Variants in SYT9 observed in about 807,000 individuals in gnomAD.
The protein encoded by SYT9 is synaptotagmin-9.
SYT9 carries 22 observed loss-of-function variants against 48.4 expected under a neutral mutation model. That is an observed-to-expected ratio of 0.45 (90% CI 0.32 to 0.65). SYT9 has a LOEUF of 0.65. Among genes scored for constraint, SYT9 ranks in the 30% least tolerant of loss-of-function variants. The pLI is 0.03. For synonymous variants in SYT9, 265 were observed against 245.0 expected (o/e 1.08, Z -0.76); for missense variants, 577 against 622.0 (o/e 0.93, Z 0.77).
intron 6 of SYT9, among the ~76,000 whole-genome samples, chr11:7,442,766 C>CTT (rs1847850929): frequency 6.6e-6 from 1 of 152,172 alleles, no homozygotes; most frequent in South Asian, 2.1e-4. Flanking sequence ...GCCATCAGCT[C>CTT]TGCTGCCCTT....
chr11:7,416,680 T>C (rs1364066632), intron 4 of SYT9, among the ~76,000 whole-genome samples: 1 of 152,330 alleles, frequency 6.6e-6, no homozygotes, highest in South Asian at 2.1e-4. Context: ...AGAATGTGCG[T>C]AGGTTATATG....
intron 3 of SYT9, among the ~76,000 whole-genome samples, chr11:7,400,106 G>A (rs561834445): frequency 6.6e-6 from 1 of 152,338 alleles, no homozygotes; most frequent in South Asian, 2.1e-4. Context: ...TCAGTGAAGA[G>A]TAAATATAAA....
upstream of SYT9, among the ~76,000 whole-genome samples, chr11:7,251,553 A>T (rs1026487046): frequency 1.3e-5 from 2 of 151,946 alleles, no homozygotes; most frequent in Non-Finnish European, 2.9e-5. Flanking sequence ...CGAAGCAGGG[A>T]CTCGGTTCTG....
At chr11:7,254,651 G>T (rs10839749) in intron 1 of SYT9, among the ~76,000 whole-genome samples, 79,677 of 151,944 alleles carry the variant, frequency 0.52, 21,075 homozygotes, top group Admixed American at 0.56. Context: ...GAGTCATCTC[G>T]GTAAATGGAT....
At chr11:7,293,547 G>A (rs1284757449) in intron 1 of SYT9, among the ~76,000 whole-genome samples, 1 of 152,194 alleles carries the variant, frequency 6.6e-6, no homozygotes, top group Non-Finnish European at 1.5e-5. Context: ...AGTACTCACT[G>A]ACTTATGGTC....
At chr11:7,422,859 C>T (rs777235061) in intron 6 of SYT9, among the ~76,000 whole-genome samples, 1 of 152,110 alleles carries the variant, frequency 6.6e-6, no homozygotes, top group Non-Finnish European at 1.5e-5. Flanking sequence ...GCCTTGGAGG[C>T]CTTTTCCTTC....
At chr11:7,240,555 T>C (rs1317761513) in intron 1 of SYT9, among the ~76,000 whole-genome samples, 1 of 152,212 alleles carries the variant, frequency 6.6e-6, no homozygotes, top group Non-Finnish European at 1.5e-5. Flanking sequence ...TCTTCTAGCA[T>C]TCCTAAAATT....
At chr11:7,279,369 C>A (rs1241058624) in intron 1 of SYT9, among the ~76,000 whole-genome samples, 3 of 151,790 alleles carry the variant, frequency 2.0e-5, no homozygotes, top group Non-Finnish European at 4.4e-5. Context: ...CCGTTGAGAA[C>A]AAAAAAACTG....
At chr11:7,319,345 G>A (rs1849299822) in intron 3 of SYT9, among the ~76,000 whole-genome samples, 2 of 151,700 alleles carry the variant, frequency 1.3e-5, no homozygotes, top group African/African-American at 4.8e-5. Flanking sequence ...GATTGTCTGG[G>A]AATAACAATT....
chr11:7,250,489 C>T (rs1379030466), upstream of SYT9, among the ~76,000 whole-genome samples: 1 of 136,604 alleles, frequency 7.3e-6, no homozygotes. Context: ...GTGTCACCTT[C>T]TCTGTTCATG....
intron 3 of SYT9, among the ~76,000 whole-genome samples, chr11:7,360,838 G>A (rs1199940918): frequency 6.6e-6 from 1 of 152,114 alleles, no homozygotes; most frequent in Non-Finnish European, 1.5e-5. Flanking sequence ...TTATCTTAGA[G>A]GGCTTTTTGA....
chr11:7,284,175 T>C (rs1209613351), intron 1 of SYT9, among the ~76,000 whole-genome samples: 2 of 152,182 alleles, frequency 1.3e-5, no homozygotes, highest in Non-Finnish European at 2.9e-5. Context: ...ATTTCTTCAC[T>C]ATATTGTTAA....
intron 3 of SYT9, among the ~76,000 whole-genome samples, chr11:7,336,427 A>G (rs1405698265): frequency 6.6e-6 from 1 of 152,118 alleles, no homozygotes; most frequent in Non-Finnish European, 1.5e-5. Context: ...TTCTATGTCC[A>G]GAATGGTATT....
At chr11:7,447,918 T>A (rs138707804) in intron 6 of SYT9, among the ~76,000 whole-genome samples, 18 of 152,310 alleles carry the variant, frequency 1.2e-4, no homozygotes, top group African/African-American at 3.8e-4. Flanking sequence ...GCATGAAGTG[T>A]GCAAATTCCT....
chr11:7,300,540 A>G (rs1848899499), intron 1 of SYT9, among the ~76,000 whole-genome samples: 1 of 152,172 alleles, frequency 6.6e-6, no homozygotes, highest in South Asian at 2.1e-4. Flanking sequence ...CCTAAATCCT[A>G]CGGCCTCCCA....
At chr11:7,276,863 T>C (rs1467811259) in intron 1 of SYT9, among the ~76,000 whole-genome samples, 1 of 150,578 alleles carries the variant, frequency 6.6e-6, no homozygotes, top group African/African-American at 2.5e-5. Context: ...CTGGCCAACA[T>C]AGCGAAACCT....
chr11:7,455,585 C>T (rs1425051024), intron 6 of SYT9, among the ~76,000 whole-genome samples: 2 of 152,046 alleles, frequency 1.3e-5, no homozygotes, highest in African/African-American at 2.4e-5. Context: ...AGTGATCCAC[C>T]CACCTCGGCC....
At chr11:7,435,191 G>A (rs1400321033) in intron 6 of SYT9, 1 of 152,312 alleles carries the variant, frequency 6.6e-6, no homozygotes, top group Non-Finnish European at 1.5e-5. Context: ...TTCTTTTGCA[G>A]GTCAGCAGGC....
At chr11:7,449,443 G>C (rs1848002512) in intron 6 of SYT9, among the ~76,000 whole-genome samples, 1 of 151,414 alleles carries the variant, frequency 6.6e-6, no homozygotes, top group Non-Finnish European at 1.5e-5. Flanking sequence ...GTGCTACAAA[G>C]AAAGTGTTGT....
Sources: allele counts gnomAD v4.1 joint callset (sites outside exome capture counted in the v4.1 genomes callset), GRCh38; gene constraint gnomAD v4.1.1; transcripts MANE v1.5; gene names NCBI Gene and HGNC (gene_info 2026-07-23, HGNC 2026-07-21).